Variants in RANBP2 observed in about 807,000 individuals in gnomAD.
The protein encoded by RANBP2 is E3 SUMO-protein ligase RanBP2.
RANBP2 carries 57 observed loss-of-function variants against 303.6 expected under a neutral mutation model. The observed-to-expected ratio is 0.19, with a 90% CI of 0.15 to 0.23. RANBP2 has a LOEUF of 0.23. RANBP2 is among the 10% of genes least tolerant of loss of function. The pLI is 1.00. For synonymous variants in RANBP2, 1,167 were observed against 1,301.5 expected (o/e 0.90, Z 2.23); for missense variants, 3,138 against 3,780.8 (o/e 0.83, Z 4.46).
At chr2:109,408,681 A>G in the RANBP2 span, among the ~76,000 whole-genome samples, 56 of 152,378 alleles carry the variant, frequency 3.7e-4, no homozygotes, top group African/African-American at 1.0e-3. Flanking sequence ...AGACGGACAC[A>G]CTGAATTAGA....
At chr2:109,695,832 A>G in the RANBP2 span, among the ~76,000 whole-genome samples, 1 of 152,046 alleles carries the variant, frequency 6.6e-6, no homozygotes, top group Non-Finnish European at 1.5e-5. Context: ...TTTGCCAAAA[A>G]GGTTTTTTTT....
downstream of RANBP2, chr2:108,788,867 A>G: frequency 1.2e-6 from 2 of 1,613,808 alleles, no homozygotes; most frequent in Non-Finnish European, 1.7e-6. Context: ...TTGGATATCT[A>G]CTCTGGAGAT....
the RANBP2 span, among the ~76,000 whole-genome samples, chr2:109,312,326 T>C: frequency 1.1e-4 from 16 of 152,360 alleles, 1 homozygote; most frequent in African/African-American, 3.8e-4. Context: ...CTCCTCTTTC[T>C]AATAATTCTA....
At chr2:109,376,493 C>T in the RANBP2 span, among the ~76,000 whole-genome samples, 617 of 152,186 alleles carry the variant, frequency 4.1e-3, 5 homozygotes, top group South Asian at 0.024. Flanking sequence ...TTCTCGTCTG[C>T]GAGGAAAACC....
At chr2:109,416,265 G>A in the RANBP2 span, among the ~76,000 whole-genome samples, 2 of 152,088 alleles carry the variant, frequency 1.3e-5, no homozygotes, top group Non-Finnish European at 2.9e-5. Flanking sequence ...AGGGGCCTGT[G>A]CACGCTGAAC....
the RANBP2 span, among the ~76,000 whole-genome samples, chr2:109,586,391 A>G: frequency 6.6e-6 from 1 of 152,026 alleles, no homozygotes; most frequent in African/African-American, 2.4e-5. Flanking sequence ...ATCAGGTGAG[A>G]TGAGTTTATC....
the RANBP2 span, among the ~76,000 whole-genome samples, chr2:108,964,059 C>T: frequency 1.3e-5 from 2 of 152,216 alleles, no homozygotes; most frequent in Admixed American, 6.5e-5. Context: ...GCCCCTGAAG[C>T]ACTGAGTTTC....
the RANBP2 span, among the ~76,000 whole-genome samples, chr2:109,472,435 G>A: frequency 5.3e-5 from 8 of 152,166 alleles, no homozygotes; most frequent in Non-Finnish European, 1.0e-4. Context: ...CAGAGCTTGC[G>A]GGGCTTCCCG....
chr2:108,737,687 T>C (rs1309916675), intron 6 of RANBP2, among the ~76,000 whole-genome samples: 1 of 151,008 alleles, frequency 6.6e-6, no homozygotes, highest in Non-Finnish European at 1.5e-5. Context: ...TAGGTGGGAC[T>C]ACAGGTGCCC....
At chr2:108,724,510 G>A (rs1305483848) in intron 1 of RANBP2, among the ~76,000 whole-genome samples, 1 of 152,036 alleles carries the variant, frequency 6.6e-6, no homozygotes, top group Non-Finnish European at 1.5e-5. Context: ...TAGAAGTTCT[G>A]TTGTTAGGAG....
At chr2:109,078,940 G>A in the RANBP2 span, among the ~76,000 whole-genome samples, 44 of 151,978 alleles carry the variant, frequency 2.9e-4, no homozygotes, top group African/African-American at 1.0e-3. Flanking sequence ...GCAGTGAGCC[G>A]AGATCGCACA....
the RANBP2 span, among the ~76,000 whole-genome samples, chr2:109,504,995 T>G: frequency 1.3e-5 from 2 of 152,298 alleles, no homozygotes; most frequent in Admixed American, 1.3e-4. Context: ...ATGACTCGCC[T>G]CCTTTTCTTG....
At chr2:109,271,765 G>A in the RANBP2 span, among the ~76,000 whole-genome samples, 1 of 152,250 alleles carries the variant, frequency 6.6e-6, no homozygotes, top group Non-Finnish European at 1.5e-5. Flanking sequence ...TTGGACTTTT[G>A]TGGTATCAGT....
At chr2:108,794,108 G>A in the RANBP2 span, among the ~76,000 whole-genome samples, 6 of 152,044 alleles carry the variant, frequency 3.9e-5, no homozygotes, top group African/African-American at 1.4e-4. Context: ...AAATATAAAA[G>A]GCAAAACAAG....
At chr2:109,398,746 C>T in the RANBP2 span, 127 of 1,613,368 alleles carry the variant, frequency 7.9e-5, no homozygotes, top group African/African-American at 1.5e-3. Context: ...TGCCTTTCAG[C>T]GGCGTGTGGA....
At chr2:109,302,872 C>G in the RANBP2 span, among the ~76,000 whole-genome samples, 1 of 152,062 alleles carries the variant, frequency 6.6e-6, no homozygotes, top group Non-Finnish European at 1.5e-5. Flanking sequence ...ATCTCCTTAG[C>G]TTTTTTTGTT....
At chr2:109,748,763 C>T in the RANBP2 span, among the ~76,000 whole-genome samples, 1 of 151,436 alleles carries the variant, frequency 6.6e-6, no homozygotes, top group East Asian at 1.9e-4. Context: ...ATCCCAGCTA[C>T]TCGGGAGACT....
the RANBP2 span, among the ~76,000 whole-genome samples, chr2:109,639,749 G>A: frequency 1.5e-3 from 217 of 149,250 alleles, 1 homozygote; most frequent in African/African-American, 5.2e-3. Flanking sequence ...GTCTCACTCT[G>A]TCACCCAGGC....
chr2:109,622,008 C>T, the RANBP2 span, among the ~76,000 whole-genome samples: 1 of 152,076 alleles, frequency 6.6e-6, no homozygotes, highest in South Asian at 2.1e-4. Context: ...TTTGGCTTAG[C>T]CAGGTTTAGA....
Sources: allele counts gnomAD v4.1 joint callset (sites outside exome capture counted in the v4.1 genomes callset), GRCh38; gene constraint gnomAD v4.1.1; transcripts MANE v1.5; gene names NCBI Gene and HGNC (gene_info 2026-07-23, HGNC 2026-07-21).